The following TVP23C variants were observed in gnomAD, a reference collection of about 807,000 sequenced individuals.
The protein encoded by TVP23C is Golgi apparatus membrane protein TVP23 homolog C.
In TVP23C, 19 loss-of-function variants were observed where a neutral mutation model predicts 28.7. The observed-to-expected ratio is 0.66, with a 90% CI of 0.46 to 0.97. The LOEUF is 0.97. Ranked by LOEUF, TVP23C falls within the 50% of genes least tolerant of loss-of-function variation. The pLI is 0.00. For synonymous variants in TVP23C, 68 were observed against 81.7 expected (o/e 0.83, Z 0.90); for missense variants, 186 against 241.3 (o/e 0.77, Z 1.52).
At chr17:15,533,268 A>T (rs1347751720), downstream of TVP23C, among the ~76,000 whole-genome samples, 4 of 152,234 alleles carry the variant, frequency 2.6e-5, 1 homozygote, top group African/African-American at 9.6e-5. Flanking sequence ...GTGTAATTCA[A>T]TCTGGAGATG....
At chr17:15,544,965 A>G (rs1983579479) in intron 5 of TVP23C, among the ~76,000 whole-genome samples, 1 of 152,192 alleles carries the variant, frequency 6.6e-6, no homozygotes, top group Non-Finnish European at 1.5e-5. Context: ...ATTTATTCAT[A>G]TCAGATATAA....
intron 5 of TVP23C, among the ~76,000 whole-genome samples, chr17:15,503,806 C>T (rs1236822448): frequency 4.6e-5 from 7 of 152,144 alleles, no homozygotes; most frequent in Non-Finnish European, 7.4e-5. Flanking sequence ...TCATGGCTAG[C>T]ATGCAGGCCA....
Position 15,538,987 on chromosome 17 carries a change from G to A in TVP23C, c.*1425C>T, listed in dbSNP as rs1434588174. 3 of 985,540 alleles carry A rather than the reference G, an allele frequency of 3.0e-6. No homozygotes were observed. In the East Asian group the frequency reaches 3.4e-4, roughly 112 times the overall value. 61.0% of individuals were successfully genotyped at this position (985,540 alleles called of 1,614,324 possible). The stretch of plus-strand genomic sequence containing the variant: ...TAGAATAAAAAGAACAATAAATTTT[G>A]AGTACAGAGGGCTGGGTTTAAGATC... On this transcript the variant is annotated 3_prime_UTR_variant, in exon 6 of 6. Coordinates refer to ENST00000518321, the MANE Select transcript of TVP23C (RefSeq NM_001135036.2).
chr17:15,522,168 A>C (rs1982508780), intron 5 of TVP23C, among the ~76,000 whole-genome samples: 1 of 152,234 alleles, frequency 6.6e-6, no homozygotes, highest in Admixed American at 6.5e-5. Flanking sequence ...TACCAAAAAA[A>C]TCAATTTGAG....
chr17:15,526,132 C>T (rs914201557), intron 5 of TVP23C, among the ~76,000 whole-genome samples: 2 of 152,122 alleles, frequency 1.3e-5, no homozygotes, highest in African/African-American at 4.8e-5. Context: ...CTTTAACAGA[C>T]ACAGTTGCTG....
At position 15,538,567 on chromosome 17, in the gene TVP23C, GCAAA is replaced by G; in HGVS notation, c.*1841_*1844del. 3.1e-6 allele frequency: 3 copies of G among 965,268 alleles called. No individual in the cohort carries two copies. The highest frequency in any genetic ancestry group is 3.7e-6 in the Non-Finnish European group (3 of 811,782). 59.8% of individuals were successfully genotyped at this position (965,268 alleles called of 1,614,324 possible). On this transcript the variant is annotated 3_prime_UTR_variant, in exon 6 of 6. Transcript: ENST00000518321. ...ATCGCGCCACTGCACTCCAGCCTGG[GCAAA>G]CAGAGTGAGACTCTGTCTCAAAAAA...
chr17:15,554,970 A>G (rs1275560176), intron 2 of TVP23C, among the ~76,000 whole-genome samples: 7 of 152,272 alleles, frequency 4.6e-5, no homozygotes, highest in Non-Finnish European at 1.0e-4. Context: ...AATGTGCACA[A>G]TAAATCAAAA....
chr17:15,553,693 C>A lies in TVP23C; in HGVS notation c.232G>T (p.Ala78Ser). Residue 78 changes from alanine to serine, a missense_variant, in exon 3 of 6, where the codon GCA becomes TCA. Ala to Ser is a moderately conservative substitution (Grantham distance 99). Transcript: ENST00000518321. ...IILLLSCDFW[A>S]VKNVTGRLMV... ...AAAACAATCAAAATTACCTTCACTG[C>A]CCAAAAGTCACACGACAACAACAAG... 6.2e-7 allele frequency: 1 copy of A among 1,606,494 alleles called. No individual in the cohort carries two copies. Among genetic ancestry groups the A allele is most frequent in the Non-Finnish European group, 8.5e-7 (1 of 1,178,096 alleles).
chr17:15,523,605 G>A (rs1373244519), intron 5 of TVP23C, among the ~76,000 whole-genome samples: 1 of 151,140 alleles, frequency 6.6e-6, no homozygotes, highest in South Asian at 2.1e-4. Context: ...ACTGCACCTG[G>A]CTGGAAGATT....
At chr17:15,510,039 CTTTT>C (rs34832972) in intron 5 of TVP23C, among the ~76,000 whole-genome samples, 124 of 152,290 alleles carry the variant, frequency 8.1e-4, no homozygotes, top group African/African-American at 3.0e-3. Flanking sequence ...GAGACGTTGA[CTTTT>C]TTAAAAAAAC....
chr17:15,553,611 G>C lies in TVP23C; in HGVS notation c.240+74C>G. 3 of 1,511,764 alleles carry C rather than the reference G, an allele frequency of 2.0e-6. No homozygotes were observed. The South Asian group carries it at 3.9e-5, about 20-fold the overall frequency. 93.6% of individuals were successfully genotyped at this position (1,511,764 alleles called of 1,614,324 possible). On this transcript the variant is annotated intron_variant, in intron 3 of 5. Coordinates refer to ENST00000518321, the MANE Select transcript of TVP23C (RefSeq NM_001135036.2). ...GAAGTAACAAAAGATTAACAATAAT[G>C]CAAAATGCTGTCATATTTTTATACA...
Position 15,502,704 on chromosome 17 carries a change from G to A in TVP23C, c.*160C>T, listed in dbSNP as rs566860447. ...AGTTTTACAAGTTCCCTGTTCGTTC[G>A]TTCTTTCTCTCTCTCCTCTCTCTCT... is the stretch of plus-strand genomic sequence containing the variant. On this transcript the variant is annotated 3_prime_UTR_variant, in exon 6 of 6. Coordinates refer to the TVP23C transcript ENST00000225576. 3.0e-5 allele frequency: 36 copies of A among 1,194,348 alleles called. 1 individual carries two copies. The South Asian group carries it at 6.8e-4, about 23-fold the overall frequency. The allele number at this position is 1,194,348 out of a possible 1,614,324, so 74.0% of individuals were successfully genotyped here. A position where few individuals can be genotyped will look rare whatever the true frequency, so the allele number is the denominator to read the frequency against.
At chr17:15,525,664 C>CCGTGTGTGTGTGTGTG (rs1377801209) in intron 5 of TVP23C, among the ~76,000 whole-genome samples, 3 of 151,688 alleles carry the variant, frequency 2.0e-5, no homozygotes, top group Non-Finnish European at 4.4e-5. Flanking sequence ...AAATCTCTCT[C>CCGTGTGTGTGTGTGTG]CGTGTGTGTG....
chr17:15,515,441 C>A (rs77221796), intron 5 of TVP23C, among the ~76,000 whole-genome samples: 2,915 of 152,306 alleles, frequency 0.019, 98 homozygotes, highest in African/African-American at 0.064. Context: ...GGGGAATTAA[C>A]CCCTCAGAGG....
At position 15,538,172 on chromosome 17, in the gene TVP23C, G is replaced by C. The variant is rs16940991; in HGVS notation, c.*2240C>G. 48 of 1,608,278 alleles carry C rather than the reference G, an allele frequency of 3.0e-5. No individual in the cohort carries two copies. The highest frequency in any genetic ancestry group is 3.9e-5 in the Non-Finnish European group (46 of 1,179,188). ...CAGTGTTCCGCAAAAGACAAAAAAA[G>C]AACTCCTTAACATCAAAGTTATTTC... On this transcript the variant is annotated 3_prime_UTR_variant, in exon 6 of 6. Transcript: ENST00000518321.
At chr17:15,563,054 T>C (rs1984473353) in intron 1 of TVP23C, 1 of 301,700 alleles carries the variant, frequency 3.3e-6, no homozygotes, top group African/African-American at 2.1e-5. Context: ...AGCGAGGCTC[T>C]GGCGGTGTCG....
At chr17:15,527,969 G>A (rs1056122063) in intron 5 of TVP23C, among the ~76,000 whole-genome samples, 2 of 152,196 alleles carry the variant, frequency 1.3e-5, no homozygotes, top group Non-Finnish European at 2.9e-5. Flanking sequence ...ATTCAGTAAG[G>A]ATTGCTTTTT....
chr17:15,545,014 G>A (rs1038437661), intron 5 of TVP23C, among the ~76,000 whole-genome samples: 1 of 152,130 alleles, frequency 6.6e-6, no homozygotes, highest in African/African-American at 2.4e-5. Flanking sequence ...ATAAAAAAGA[G>A]TAAGACTCAC....
chr17:15,512,912 A>G (rs1218116456), intron 5 of TVP23C, among the ~76,000 whole-genome samples: 1 of 152,132 alleles, frequency 6.6e-6, no homozygotes, highest in South Asian at 2.1e-4. Flanking sequence ...GGCTGAGGAC[A>G]TTTCACATAT....
Sources: allele counts gnomAD v4.1 joint callset (sites outside exome capture counted in the v4.1 genomes callset), GRCh38; gene constraint gnomAD v4.1.1; transcripts MANE v1.5; gene names NCBI Gene and HGNC (gene_info 2026-07-23, HGNC 2026-07-21).